Variants in ADAD2 observed in about 807,000 individuals in gnomAD.
The protein encoded by ADAD2 is adenosine deaminase domain containing 2.
ADAD2 carries 60 observed loss-of-function variants against 54.5 expected under a neutral mutation model. The ratio of observed to expected loss-of-function variants is 1.10; its 90% CI spans 0.89 to 1.36. The LOEUF (loss-of-function observed/expected upper bound fraction) is 1.36, where lower values mean the gene tolerates loss of function less well. Among genes scored for constraint, ADAD2 ranks in the 40% most tolerant of loss-of-function variants. The pLI is 0.00. For synonymous variants in ADAD2, 543 were observed against 366.2 expected, an observed-to-expected ratio of 1.48 and a Z score of -5.51; for missense variants, 1,103 against 801.3, an observed-to-expected ratio of 1.38 and a Z score of -4.54.
chr16:84,192,937 C>T (rs775771104), intron 1 of ADAD2: 3 of 151,758 alleles, frequency 2.0e-5, no homozygotes, highest in Non-Finnish European at 4.4e-5. Flanking sequence ...CTTTGCCTTT[C>T]GAATTCAAAC....
chr16:84,192,226 C>T (rs1033245264), intron 1 of ADAD2, among the ~76,000 whole-genome samples: 4 of 152,174 alleles, frequency 2.6e-5, no homozygotes, highest in African/African-American at 9.7e-5. Context: ...CTCACTGCAG[C>T]GTCCGCCTCC....
chr16:84,196,291 C>G lies in ADAD2; in HGVS notation c.1447C>G (p.Arg483Gly). The change falls in exon 8 of 10, where the codon CGT becomes GGT. Residue 483 changes from arginine (R) to glycine (G), a missense_variant. Arg to Gly is a moderately radical substitution (Grantham distance 125). Coordinates refer to ENST00000315906, the MANE Select transcript of ADAD2 (RefSeq NM_001145400.2). ...TTCCGAACCCACCCCTGACACCTGC[C>G]GTGGCCTGAGCCTCAACTGGAGCCT... is the stretch of plus-strand genomic sequence containing the variant. ...APSEPTPDTCRGLSLNWSLGD... is the reference protein window; with the variant it reads ...APSEPTPDTCGGLSLNWSLGD... 2.5e-6 allele frequency: 4 copies of G among 1,613,000 alleles called. No individual in the cohort carries two copies. Among genetic ancestry groups the G allele is most frequent in the East Asian group, 2.2e-5 (1 of 44,858 alleles).
chr16:84,195,819 C>T lies in ADAD2; in HGVS notation c.1057C>T (p.Pro353Ser), dbSNP rs748165932. ...PKGAARDIYL[P>S]PTSEGGLPHS... ...CTGTCCCCACCCGGCCCGCAGCCTG[C>T]CCCCCACCTCGGAAGGTGGCCTCCC... is the stretch of plus-strand genomic sequence containing the variant. Residue 353 changes from proline to serine, a missense_variant, in exon 7 of 10, where the codon CCC becomes TCC. Coordinates refer to ENST00000315906, the MANE Select transcript of ADAD2 (RefSeq NM_001145400.2). 9 of 1,602,492 alleles carry T rather than the reference C, an allele frequency of 5.6e-6. No individual in the cohort carries two copies. Among genetic ancestry groups the T allele is most frequent in the Non-Finnish European group, 6.0e-6 (7 of 1,175,142 alleles).
intron 1 of ADAD2, chr16:84,193,867 G>A (rs2089689019): frequency 7.6e-6 from 7 of 920,840 alleles, no homozygotes; most frequent in South Asian, 1.9e-5. Context: ...AACCCCCAGA[G>A]GGGCAGTCCT....
At chr16:84,192,356 C>G (rs1256805279) in intron 1 of ADAD2, among the ~76,000 whole-genome samples, 1 of 152,070 alleles carries the variant, frequency 6.6e-6, no homozygotes, top group Non-Finnish European at 1.5e-5. Context: ...TACCATGTTG[C>G]CAAGATTGTT....
chr16:84,197,120 A>G lies in ADAD2; in HGVS notation c.*146A>G. ...GAAGGAGGAGCCTGCTGTGGTTGGG[A>G]GGCGGCTGCTGCACGTTTGGGCTTG... On this transcript the variant is annotated 3_prime_UTR_variant, in exon 10 of 10. Transcript: ENST00000315906. 1.3e-6 allele frequency: 1 copy of G among 784,464 alleles called. No individual in the cohort carries two copies. Among genetic ancestry groups the G allele is most frequent in the Non-Finnish European group, 2.0e-6 (1 of 494,842 alleles). The allele number at this position is 784,464 out of a possible 1,614,324, so 48.6% of individuals were successfully genotyped here.
chr16:84,191,252 G>C lies in ADAD2; in HGVS notation c.22G>C (p.Ala8Pro). ...GGCCATGGCTTCGGCTTCTCAGGGC[G>C]CTGACGACGACGGCAGTCGTAGGAA... MASASQG[A>P]DDDGSRRKPR... Residue 8 changes from alanine (A) to proline (P), a missense_variant, in exon 1 of 10, where the codon GCT becomes CCT. Ala to Pro is a conservative substitution (Grantham distance 27, BLOSUM62 -1). Coordinates refer to ENST00000315906, the MANE Select transcript of ADAD2 (RefSeq NM_001145400.2). 6.2e-7 allele frequency: 1 copy of C among 1,607,536 alleles called. No homozygotes were observed. Among genetic ancestry groups the C allele is most frequent in the African/African-American group, 1.3e-5 (1 of 74,908 alleles).
chr16:84,193,946 C>G, intron 1 of ADAD2: 1 of 1,462,762 alleles, frequency 6.8e-7, no homozygotes, highest in Non-Finnish European at 9.3e-7. Context: ...GATCCCAGTT[C>G]CAGATTTTTC....
Position 84,195,653 on chromosome 16 carries a change from C to A in ADAD2, c.1008C>A (p.His336Gln). The A allele has an allele frequency of 6.3e-7, 1 of 1,593,478 alleles. No individual in the cohort carries two copies. Among genetic ancestry groups the A allele is most frequent in the Non-Finnish European group, 8.5e-7 (1 of 1,171,680 alleles). The change falls in exon 6 of 10, where the codon CAC (histidine) becomes CAA (glutamine). Residue 336 changes from histidine (H) to glutamine (Q), a missense_variant. Transcript: ENST00000315906. ...CCCTCAAGCCCCGCGTCTTCCTGCA[C>A]CTCTACATCAGCAACACCCCCAAGG... The part of the protein sequence containing the change: ...PFTLKPRVFL[H>Q]LYISNTPKGA...
rs1486967301 is a variant in ADAD2, at chr16:84,192,227, G to A, written c.418+579G>A. On this transcript the variant is annotated intron_variant, in intron 1 of 9. Coordinates refer to ENST00000315906, the MANE Select transcript of ADAD2 (RefSeq NM_001145400.2). The stretch of plus-strand genomic sequence containing the variant: ...TGGAACAAGCTTGCCTCACTGCAGC[G>A]TCCGCCTCCTGGGCTCAAGTGATAC... Among the ~76,000 whole-genome samples, 7 of 152,086 alleles carry A rather than the reference G, an allele frequency of 4.6e-5. No individual in the cohort carries two copies. In the East Asian group the frequency reaches 5.8e-4, roughly 13 times the overall value.
chr16:84,195,827 C>A lies in ADAD2; in HGVS notation c.1065C>A (p.Thr355=). The part of the protein sequence containing the change: ...GAARDIYLPP[T]SEGGLPHSPP... ...ACCCGGCCCGCAGCCTGCCCCCCAC[C>A]TCGGAAGGTGGCCTCCCGCACAGCC... The change falls in exon 7 of 10, where the codon ACC becomes ACA. Residue 355 remains threonine (T), a synonymous_variant. Coordinates refer to ENST00000315906, the MANE Select transcript of ADAD2 (RefSeq NM_001145400.2). 1 of 1,605,546 alleles carries A rather than the reference C, an allele frequency of 6.2e-7. No individual in the cohort carries two copies. The highest frequency in any genetic ancestry group is 1.1e-5 in the South Asian group (1 of 90,760).
intron 2 of ADAD2, 77 bp downstream of exon 2, chr16:84,194,659 G>T (rs777108028): frequency 1.9e-6 from 3 of 1,548,780 alleles, no homozygotes; most frequent in Admixed American, 3.9e-5. Context: ...GTGGGGAGGC[G>T]GAAGTGGCTG....
At position 84,195,526 on chromosome 16, in the gene ADAD2, C is replaced by T. The variant is rs1000083586; in HGVS notation, c.885-4C>T. 6.3e-7 allele frequency: 1 copy of T among 1,599,600 alleles called. No homozygotes were observed. The highest frequency in any genetic ancestry group is 8.5e-7 in the Non-Finnish European group (1 of 1,171,982). On this transcript the variant is annotated splice_region_variant and splice_polypyrimidine_tract_variant and intron_variant, in intron 5 of 9. Coordinates refer to ENST00000315906, the MANE Select transcript of ADAD2 (RefSeq NM_001145400.2). ...CCCAACCACCCTGTGCCTGTCGCTC[C>T]TAGGTTCTTGTTCCGGCAGCTCCTG...
At position 84,191,569 on chromosome 16, in the gene ADAD2, C is replaced by G; in HGVS notation, c.339C>G (p.Ala113=). 1 of 1,549,280 alleles carries G rather than the reference C, an allele frequency of 6.5e-7. No homozygotes were observed. The highest frequency in any genetic ancestry group is 8.7e-7 in the Non-Finnish European group (1 of 1,146,830). ...GLSLPLKDPP[A]SQAVSLLTEY... Reference sequence around the variant, plus strand: ...GCCTGCCGCTCAAAGACCCACCTGCCAGCCAGGCCGTGTCCTTGCTCACGG... The same window carrying G: ...GCCTGCCGCTCAAAGACCCACCTGCGAGCCAGGCCGTGTCCTTGCTCACGG... Residue 113 remains alanine, a synonymous_variant, in exon 1 of 10, where the codon GCC becomes GCG. Coordinates refer to ENST00000315906, the MANE Select transcript of ADAD2 (RefSeq NM_001145400.2).
rs2089656473 is a variant in ADAD2, at chr16:84,191,647, A to G, written c.417A>G (p.Pro139=). The change falls in exon 1 of 10, where the codon CCA becomes CCG. Residue 139 remains proline (P), a splice_region_variant and synonymous_variant. Coordinates refer to ENST00000315906, the MANE Select transcript of ADAD2 (RefSeq NM_001145400.2). ...IFLLFREDQP[P]GPCFPFSVSA... ...TGCTCTTCCGGGAGGACCAGCCACC[A>G]GGTGAGGCCGGGCCGGGGCATGGCT... The G allele has an allele frequency of 1.3e-6, 2 of 1,557,304 alleles. No homozygotes were observed. Among genetic ancestry groups the G allele is most frequent in the Non-Finnish European group, 1.7e-6 (2 of 1,151,086 alleles).
Position 84,191,309 on chromosome 16 carries a change from C to T in ADAD2, c.79C>T (p.Pro27Ser). 19 of 1,593,220 alleles carry T rather than the reference C, an allele frequency of 1.2e-5. No individual in the cohort carries two copies. Among genetic ancestry groups the T allele is most frequent in the Non-Finnish European group, 1.5e-5 (18 of 1,169,096 alleles). Residue 27 changes from proline (P) to serine (S), a missense_variant, in exon 1 of 10, where the codon CCC (proline) becomes TCC (serine). By Grantham distance (74) the Pro-to-Ser change is moderately conservative (BLOSUM62 -1). Transcript: ENST00000315906. ...PRLAASLQIS[P>S]QPRPWRPLPA... Reference sequence around the variant, plus strand: ...CCTGGCTGCATCGTTGCAGATCAGCCCCCAGCCCCGCCCCTGGCGACCGCT... The same window carrying T: ...CCTGGCTGCATCGTTGCAGATCAGCTCCCAGCCCCGCCCCTGGCGACCGCT...
intron 2 of ADAD2, 144 bp from the exon 3 acceptor site, chr16:84,194,789 G>C (rs905706060): frequency 8.7e-6 from 11 of 1,264,976 alleles, no homozygotes; most frequent in African/African-American, 1.5e-5. Context: ...GGGGACACCG[G>C]GGGTAGGGAC....
rs374328634 is a variant in ADAD2 at position 84,196,670 on chromosome 16, G to A, written c.1550G>A (p.Arg517His). 2.1e-5 allele frequency: 34 copies of A among 1,613,270 alleles called. No homozygotes were observed. The highest frequency in any genetic ancestry group is 1.6e-4 in the Middle Eastern group (1 of 6,084). The change falls in exon 9 of 10, where the codon CGT (arginine) becomes CAT (histidine). Residue 517 changes from arginine to histidine, a missense_variant. Arg to His is a conservative substitution (Grantham distance 29). Coordinates refer to ENST00000315906, the MANE Select transcript of ADAD2 (RefSeq NM_001145400.2). ...KANAALGPPS[R>H]LCKASFLRAF... ...AGTGCCGCCCTGGGGCCTCCCTCCC[G>A]TCTCTGCAAGGCCTCCTTTCTCCGG...
chr16:84,194,103 G>A, intron 1 of ADAD2: 1 of 1,614,176 alleles, frequency 6.2e-7, no homozygotes, highest in Non-Finnish European at 8.5e-7. Context: ...TGAGAACAGG[G>A]TGGCGTGGGC....
Sources: allele counts gnomAD v4.1 joint callset (sites outside exome capture counted in the v4.1 genomes callset), GRCh38; gene constraint gnomAD v4.1.1; transcripts MANE v1.5; gene names NCBI Gene and HGNC (gene_info 2026-07-23, HGNC 2026-07-21).